GHR: variants seen among roughly 807,000 people sequenced by gnomAD.
GHR encodes growth hormone receptor.
A neutral mutation model predicts 67.1 loss-of-function variants in GHR; 35 were observed. The ratio of observed to expected loss-of-function variants is 0.52; its 90% confidence interval spans 0.40 to 0.69. The LOEUF (loss-of-function observed/expected upper bound fraction) is 0.69. GHR is among the 30% of genes least tolerant of loss of function. The pLI, the probability that GHR is intolerant of heterozygous loss-of-function variation, is 0.00. For missense variants in GHR, 792 were observed against 764.6 expected (o/e 1.04, Z -0.42); for synonymous variants, 272 against 269.1 (o/e 1.01, Z -0.10).
chr5:42,668,082 A>G (rs568754329), intron 3 of GHR, among the ~76,000 whole-genome samples: 3 of 152,184 alleles, frequency 2.0e-5, no homozygotes, highest in Non-Finnish European at 4.4e-5. Flanking sequence ...CACTGCACCT[A>G]AAGAGTGCCT....
intron 1 of GHR, among the ~76,000 whole-genome samples, chr5:42,475,144 C>T (rs1421088482): frequency 1.3e-5 from 2 of 152,130 alleles, no homozygotes; most frequent in South Asian, 4.1e-4. Context: ...TCCCAAAGTG[C>T]TGGGATTACA....
intron 1 of GHR, among the ~76,000 whole-genome samples, chr5:42,441,633 C>T (rs945771881): frequency 1.3e-5 from 2 of 152,106 alleles, no homozygotes; most frequent in African/African-American, 2.4e-5. Context: ...CCTCAGCCTC[C>T]TGAGTAGCTG....
chr5:42,689,074 A>T, intron 4 of GHR, 55 bp downstream of exon 4: 2 of 1,450,734 alleles, frequency 1.4e-6, no homozygotes, highest in Non-Finnish European at 1.9e-6. Context: ...CTACTAAAGT[A>T]CACTGAGTCA....
At chr5:42,456,118 C>T (rs753828786) in intron 1 of GHR, among the ~76,000 whole-genome samples, 7 of 152,196 alleles carry the variant, frequency 4.6e-5, no homozygotes, top group African/African-American at 7.2e-5. Flanking sequence ...GGAGAACATC[C>T]TGGCCAAGAT....
At chr5:42,476,705 C>T (rs1434853728) in intron 1 of GHR, among the ~76,000 whole-genome samples, 2 of 152,038 alleles carry the variant, frequency 1.3e-5, no homozygotes, top group East Asian at 3.9e-4. Context: ...AAATACTGGC[C>T]AACAGAAATT....
At chr5:42,515,758 G>A (rs1747209694) in intron 1 of GHR, among the ~76,000 whole-genome samples, 1 of 152,182 alleles carries the variant, frequency 6.6e-6, no homozygotes, top group South Asian at 2.1e-4. Flanking sequence ...TCATAACCAG[G>A]AAGAATAAAA....
intron 2 of GHR, among the ~76,000 whole-genome samples, chr5:42,616,439 A>T (rs562667323): frequency 2.0e-5 from 3 of 152,088 alleles, no homozygotes; most frequent in Non-Finnish European, 2.9e-5. Flanking sequence ...ACCTGAGTGG[A>T]TGGTGAAACA....
chr5:42,700,092 T>C lies in GHR; in HGVS notation c.618+90T>C, dbSNP rs748406268. 1.5e-4 allele frequency: 115 copies of C among 768,558 alleles called. 1 individual carries two copies. The highest frequency in any genetic ancestry group is 7.2e-5 in the Non-Finnish European group (31 of 432,684). 47.6% of individuals were successfully genotyped at this position (768,558 alleles called of 1,614,324 possible). ...ATCATTAGACTTTCCTTTGACCTAA[T>C]ACCACATGTTCATGCTGTATGCTCC... On this transcript the variant is annotated intron_variant, in intron 6 of 9. Coordinates refer to ENST00000230882, the MANE Select transcript of GHR (RefSeq NM_000163.5).
At chr5:42,510,445 C>T (rs1251618528) in intron 1 of GHR, among the ~76,000 whole-genome samples, 4 of 152,168 alleles carry the variant, frequency 2.6e-5, no homozygotes, top group Non-Finnish European at 1.5e-5. Context: ...TCCTTGACTT[C>T]ATTTGGGCAG....
chr5:42,617,499 A>T (rs904069303), intron 2 of GHR, among the ~76,000 whole-genome samples: 1 of 151,908 alleles, frequency 6.6e-6, no homozygotes, highest in Non-Finnish European at 1.5e-5. Context: ...ATCTTTGTCA[A>T]CCTTCTTAAC....
intron 1 of GHR, among the ~76,000 whole-genome samples, chr5:42,487,427 C>T (rs1004126807): frequency 5.3e-5 from 8 of 152,158 alleles, no homozygotes; most frequent in Non-Finnish European, 1.0e-4. Context: ...TTTAATTCCC[C>T]GGTGCCTCAG....
chr5:42,517,324 C>T (rs760282561), intron 1 of GHR, among the ~76,000 whole-genome samples: 1 of 152,076 alleles, frequency 6.6e-6, no homozygotes, highest in Non-Finnish European at 1.5e-5. Flanking sequence ...AACTTTGAAA[C>T]GAAACAAGAG....
At chr5:42,475,086 G>C (rs1035867059) in intron 1 of GHR, among the ~76,000 whole-genome samples, 3 of 151,912 alleles carry the variant, frequency 2.0e-5, no homozygotes, top group Non-Finnish European at 4.4e-5. Flanking sequence ...GTTTCACCAC[G>C]TTGGCCAGGC....
chr5:42,691,745 C>A (rs2111679246), intron 4 of GHR, among the ~76,000 whole-genome samples: 1 of 152,358 alleles, frequency 6.6e-6, no homozygotes, highest in African/African-American at 2.4e-5. Flanking sequence ...GTGTGTTTTG[C>A]CTGGCTCTGC....
At chr5:42,502,793 A>G (rs961174889) in intron 1 of GHR, among the ~76,000 whole-genome samples, 2 of 148,122 alleles carry the variant, frequency 1.4e-5, no homozygotes, top group East Asian at 3.9e-4. Context: ...TATTTAAAAT[A>G]TATTTTATTA....
At chr5:42,566,778 T>G (rs1023794866) in intron 2 of GHR, among the ~76,000 whole-genome samples, 1 of 152,028 alleles carries the variant, frequency 6.6e-6, no homozygotes, top group Non-Finnish European at 1.5e-5. Context: ...AGTTGTTGCT[T>G]TAAGAGTGTC....
intron 1 of GHR, among the ~76,000 whole-genome samples, chr5:42,483,494 T>TAAA (rs145669021): frequency 7.4e-6 from 1 of 135,164 alleles, no homozygotes; most frequent in Non-Finnish European, 1.6e-5. Flanking sequence ...TTGGACATGT[T>TAAA]AAAAAAAAAA....
At position 42,455,498 on chromosome 5, in the gene GHR, A is replaced by G. The variant is rs183879355; in HGVS notation, c.-12+31543A>G. ...TTCTGACTTGGTTCTATTCACTGAC[A>G]TTCCTCTCTATCAAGTAGATTTTTG... On this transcript the variant is annotated intron_variant, in intron 1 of 9. Coordinates refer to ENST00000230882, the MANE Select transcript of GHR (RefSeq NM_000163.5). Among the ~76,000 whole-genome samples, 660 of 152,322 alleles carry G rather than the reference A, an allele frequency of 4.3e-3. 4 individuals carry two copies. The highest frequency in any genetic ancestry group is 0.015 in the African/African-American group (616 of 41,568).
At chr5:42,560,461 G>A (rs576625803) in intron 1 of GHR, among the ~76,000 whole-genome samples, 16 of 152,178 alleles carry the variant, frequency 1.1e-4, no homozygotes, top group African/African-American at 3.9e-4. Context: ...CAAAATGCTG[G>A]GATTACAGGT....
Sources: gnomAD v4.1 joint callset for allele counts (sites outside exome capture counted in the v4.1 genomes callset) on GRCh38, gnomAD v4.1.1 for gene constraint, MANE v1.5 for transcripts, NCBI Gene and HGNC (gene_info 2026-07-23, HGNC 2026-07-21) for gene names.